The following SLC9A9 variants were observed in gnomAD, a reference collection of about 807,000 sequenced individuals.
SLC9A9 encodes the protein solute carrier family 9 member A9, also known as sodium/hydrogen exchanger 9.
A neutral mutation model predicts 77.8 loss-of-function variants in SLC9A9; 62 were observed. That is an observed-to-expected ratio of 0.80 (90% CI 0.65 to 0.98). SLC9A9 has a LOEUF of 0.98. Ranked by LOEUF, SLC9A9 falls within the 50% of genes least tolerant of loss-of-function variation. The probability of loss-of-function intolerance (pLI) is 0.00; values close to 1 mark genes in which losing one functional copy is unlikely to be tolerated. For synonymous variants in SLC9A9, 320 were observed against 283.5 expected (o/e 1.13, Z -1.29); for missense variants, 775 against 774.9 (o/e 1.00, Z 0.00).
At chr3:143,537,080 C>G (rs2036602031) in intron 9 of SLC9A9, among the ~76,000 whole-genome samples, 1 of 152,220 alleles carries the variant, frequency 6.6e-6, no homozygotes, top group South Asian at 2.1e-4. Context: ...CAGTTTGGCT[C>G]TGATCTGCTG....
At chr3:143,564,191 T>C (rs1020541698) in intron 8 of SLC9A9, among the ~76,000 whole-genome samples, 4 of 152,216 alleles carry the variant, frequency 2.6e-5, no homozygotes, top group African/African-American at 9.6e-5. Context: ...AATTTTCTTA[T>C]TCAAGAGTAT....
chr3:143,565,262 T>TA (rs2037149859), intron 8 of SLC9A9, among the ~76,000 whole-genome samples: 4 of 152,258 alleles, frequency 2.6e-5, no homozygotes, highest in Admixed American at 2.6e-4. Flanking sequence ...CCAACAGACA[T>TA]AAAAAACCCG....
intron 14 of SLC9A9, among the ~76,000 whole-genome samples, chr3:143,278,794 A>G (rs1196441111): frequency 6.6e-6 from 1 of 152,214 alleles, no homozygotes; most frequent in Non-Finnish European, 1.5e-5. Context: ...GTTGGAAGAA[A>G]CAGTTCAGCT....
chr3:143,468,935 G>A (rs2035331268), intron 11 of SLC9A9, among the ~76,000 whole-genome samples: 3 of 152,214 alleles, frequency 2.0e-5, no homozygotes, highest in African/African-American at 7.2e-5. Context: ...GCCGAGGTGG[G>A]CAGATCATGA....
intron 2 of SLC9A9, among the ~76,000 whole-genome samples, chr3:143,820,351 A>G (rs1018602127): frequency 6.6e-6 from 1 of 152,222 alleles, no homozygotes; most frequent in African/African-American, 2.4e-5. Flanking sequence ...GATCATTGCC[A>G]TGGCAACAAA....
intron 4 of SLC9A9, among the ~76,000 whole-genome samples, chr3:143,705,040 T>TATCTATCTATCTATATAG (rs1553782489): frequency 3.8e-5 from 2 of 52,652 alleles, no homozygotes; most frequent in African/African-American, 8.9e-5. Context: ...TCTATCTATC[T>TATCTATCTATCTATATAG]ATATAGATAT....
At chr3:143,459,164 T>C (rs1046284050) in intron 12 of SLC9A9, among the ~76,000 whole-genome samples, 4 of 152,102 alleles carry the variant, frequency 2.6e-5, no homozygotes, top group South Asian at 2.1e-4. Context: ...TGCTCTTACT[T>C]CTTGGGGCAT....
intron 2 of SLC9A9, among the ~76,000 whole-genome samples, chr3:143,807,901 T>C (rs1381581783): frequency 2.0e-5 from 3 of 152,114 alleles, no homozygotes; most frequent in Admixed American, 6.5e-5. Flanking sequence ...TGATCCCAAA[T>C]GGAGAAGGTG....
At chr3:143,807,913 C>A (rs746112800) in intron 2 of SLC9A9, among the ~76,000 whole-genome samples, 3 of 152,060 alleles carry the variant, frequency 2.0e-5, no homozygotes, top group Non-Finnish European at 4.4e-5. Flanking sequence ...GAGAAGGTGC[C>A]GGTAGAGGGC....
At chr3:143,382,703 T>C (rs1396789598) in intron 12 of SLC9A9, among the ~76,000 whole-genome samples, 1 of 152,156 alleles carries the variant, frequency 6.6e-6, no homozygotes, top group Non-Finnish European at 1.5e-5. Context: ...AAAAATTACA[T>C]ATGTTTTTAA....
At chr3:143,280,979 C>G (rs1050835106) in intron 14 of SLC9A9, among the ~76,000 whole-genome samples, 1 of 152,226 alleles carries the variant, frequency 6.6e-6, no homozygotes, top group African/African-American at 2.4e-5. Context: ...GTCTTCTACT[C>G]TGTTTATACT....
chr3:143,764,631 A>C (rs575724536), intron 4 of SLC9A9, among the ~76,000 whole-genome samples: 1 of 152,276 alleles, frequency 6.6e-6, no homozygotes, highest in Non-Finnish European at 1.5e-5. Flanking sequence ...CAGTGGTGTG[A>C]TAATGGCTCA....
At chr3:143,586,219 T>A (rs1232829044) in intron 6 of SLC9A9, among the ~76,000 whole-genome samples, 1 of 152,254 alleles carries the variant, frequency 6.6e-6, no homozygotes, top group Non-Finnish European at 1.5e-5. Context: ...GTGAGCATCC[T>A]AACTGCTGGG....
At chr3:143,372,106 T>C in intron 13 of SLC9A9, 1 of 254,092 alleles carries the variant, frequency 3.9e-6, no homozygotes, top group Non-Finnish European at 8.2e-6. Context: ...GGTTATGGAT[T>C]AGAAGAATCA....
chr3:143,791,788 T>C (rs948896280), intron 4 of SLC9A9, among the ~76,000 whole-genome samples: 1 of 152,228 alleles, frequency 6.6e-6, no homozygotes, highest in African/African-American at 2.4e-5. Flanking sequence ...AATCTGCGTA[T>C]ATCTGCATAA....
chr3:143,659,252 G>T (rs1030912058), intron 5 of SLC9A9, among the ~76,000 whole-genome samples: 1 of 151,844 alleles, frequency 6.6e-6, no homozygotes, highest in Admixed American at 6.6e-5. Context: ...AGTTAGGATG[G>T]GTCACCAAAA....
Position 143,737,513 on chromosome 3 carries a change from C to T in SLC9A9, c.534-44206G>A, listed in dbSNP as rs184394748. On this transcript the variant is annotated intron_variant, in intron 4 of 15. Coordinates refer to ENST00000316549, the MANE Select transcript of SLC9A9 (RefSeq NM_173653.4). ...AAAAAAAAAACCCACAAAACTCTCA[C>T]GAATGGCAGAGCTGGAGAAGACTGT... Among the ~76,000 whole-genome samples, 48 of 151,210 alleles carry T rather than the reference C, an allele frequency of 3.2e-4. No homozygotes were observed. In the East Asian group the frequency reaches 7.7e-3, roughly 24 times the overall value.
chr3:143,842,357 G>T (rs1418928018), intron 1 of SLC9A9, among the ~76,000 whole-genome samples: 1 of 152,030 alleles, frequency 6.6e-6, no homozygotes, highest in Non-Finnish European at 1.5e-5. Flanking sequence ...CTCTAGCCTG[G>T]GTGACAGAGC....
intron 4 of SLC9A9, among the ~76,000 whole-genome samples, chr3:143,705,657 T>C (rs1028602696): frequency 6.6e-6 from 1 of 152,170 alleles, no homozygotes; most frequent in African/African-American, 2.4e-5. Flanking sequence ...AGCTAAAAGG[T>C]CTTTTATGAT....
Sources: allele counts gnomAD v4.1 joint callset (sites outside exome capture counted in the v4.1 genomes callset), GRCh38; gene constraint gnomAD v4.1.1; transcripts MANE v1.5; gene names NCBI Gene and HGNC (gene_info 2026-07-23, HGNC 2026-07-21).